The following GPR89A variants were observed in gnomAD, a reference collection of about 807,000 sequenced individuals.
GPR89A encodes the protein G protein-coupled receptor 89A.
A neutral mutation model predicts 52.0 loss-of-function variants in GPR89A; 16 were observed. That is an observed-to-expected ratio of 0.31 (90% CI 0.21 to 0.47). The LOEUF is 0.47. GPR89A is among the 20% of genes least tolerant of loss of function. GPR89A has a pLI of 1.00. For missense variants in GPR89A, 135 were observed against 449.4 expected (o/e 0.30, Z 6.33); for synonymous variants, 55 against 150.9 (o/e 0.36, Z 4.66).
intron 1 of GPR89A, among the ~76,000 whole-genome samples, chr1:145,609,242 G>A (rs587692901): frequency 6.6e-6 from 1 of 152,294 alleles, no homozygotes; most frequent in East Asian, 1.9e-4. Flanking sequence ...TGTGTTCTTT[G>A]ATTCCGTTTT....
chr1:145,642,774 A>G (rs1553691922), intron 7 of GPR89A, among the ~76,000 whole-genome samples: 1 of 151,082 alleles, frequency 6.6e-6, no homozygotes, highest in African/African-American at 2.4e-5. Flanking sequence ...ATCCTAGTTC[A>G]TTTTATGCCT....
At chr1:145,609,818 G>C (rs1246069427) in intron 1 of GPR89A, among the ~76,000 whole-genome samples, 2 of 152,146 alleles carry the variant, frequency 1.3e-5, no homozygotes, top group East Asian at 3.8e-4. Flanking sequence ...GTGGAAGAAA[G>C]ACCCAAAGAT....
intron 1 of GPR89A, among the ~76,000 whole-genome samples, chr1:145,613,577 C>G (rs1168792421): frequency 6.6e-6 from 1 of 151,788 alleles, no homozygotes; most frequent in African/African-American, 2.4e-5. Flanking sequence ...CTTCAAAGCT[C>G]TCAGTGATTG....
intron 10 of GPR89A, among the ~76,000 whole-genome samples, chr1:145,657,694 A>G (rs1395365225): frequency 1.6e-4 from 24 of 150,036 alleles, no homozygotes; most frequent in African/African-American, 3.9e-4. Context: ...CAGGTTATCT[A>G]TTTCTTCTTG....
chr1:145,624,594 G>C (rs1431719958), intron 5 of GPR89A, among the ~76,000 whole-genome samples: 2 of 150,922 alleles, frequency 1.3e-5, no homozygotes, highest in African/African-American at 2.5e-5. Flanking sequence ...AGAATCTACT[G>C]TAACTAATTT....
intron 7 of GPR89A, among the ~76,000 whole-genome samples, chr1:145,642,869 C>A (rs1407785561): frequency 2.6e-5 from 4 of 151,620 alleles, no homozygotes; most frequent in Non-Finnish European, 5.9e-5. Context: ...CTGTTGATAC[C>A]TTTGTGGTGA....
chr1:145,640,650 G>C (rs1650594065), intron 7 of GPR89A, among the ~76,000 whole-genome samples: 1 of 81,570 alleles, frequency 1.2e-5, no homozygotes, highest in African/African-American at 5.0e-5. Flanking sequence ...AGCCAAGATG[G>C]AGCCACTGTA....
intron 7 of GPR89A, among the ~76,000 whole-genome samples, chr1:145,637,199 A>G (rs1268495459): frequency 6.6e-6 from 1 of 151,158 alleles, no homozygotes; most frequent in Non-Finnish European, 1.5e-5. Flanking sequence ...TTTGGATGAC[A>G]GAAAGTGAAA....
intron 10 of GPR89A, among the ~76,000 whole-genome samples, chr1:145,658,938 T>C (rs1156258696): frequency 6.6e-6 from 1 of 151,564 alleles, no homozygotes; most frequent in Non-Finnish European, 1.5e-5. Flanking sequence ...CCACCACGCC[T>C]GGCTGATTTT....
intron 3 of GPR89A, among the ~76,000 whole-genome samples, chr1:145,619,084 T>C (rs1648920302): frequency 6.6e-6 from 1 of 152,160 alleles, no homozygotes; most frequent in African/African-American, 2.4e-5. Flanking sequence ...TTTGTTGTGC[T>C]TTTTTATCAC....
intron 10 of GPR89A, among the ~76,000 whole-genome samples, chr1:145,661,407 GTAAC>G (rs1366389711): frequency 2.6e-5 from 4 of 151,484 alleles, no homozygotes; most frequent in Admixed American, 2.6e-4. Flanking sequence ...GTATACATAT[GTAAC>G]TAACCTGCAC....
chr1:145,636,617 A>G (rs1316538602), intron 7 of GPR89A, among the ~76,000 whole-genome samples: 1 of 152,150 alleles, frequency 6.6e-6, no homozygotes, highest in African/African-American at 2.4e-5. Flanking sequence ...AGGAAGAAAT[A>G]TATTCACTAG....
intron 10 of GPR89A, among the ~76,000 whole-genome samples, chr1:145,649,026 G>A (rs868960664): frequency 6.7e-6 from 1 of 149,264 alleles, no homozygotes; most frequent in Non-Finnish European, 1.5e-5. Flanking sequence ...GGATGGTCTC[G>A]ATCTCCTGAC....
chr1:145,613,023 C>G (rs1553686434), intron 1 of GPR89A, among the ~76,000 whole-genome samples: 1 of 151,740 alleles, frequency 6.6e-6, no homozygotes, highest in Non-Finnish European at 1.5e-5. Flanking sequence ...AGATACTATT[C>G]CCAGGTGATC....
At chr1:145,646,071 G>A in intron 8 of GPR89A, 113 bp from the exon 9 acceptor site, 1 of 1,530,492 alleles carries the variant, frequency 6.5e-7, no homozygotes, top group Non-Finnish European at 9.0e-7. Flanking sequence ...AGGAAATTGA[G>A]AATATAGGCA....
chr1:145,668,359 T>G (rs1652721048), intron 12 of GPR89A, among the ~76,000 whole-genome samples: 1 of 152,212 alleles, frequency 6.6e-6, no homozygotes. Flanking sequence ...CACTCATGAT[T>G]TGGCTCTCTG....
chr1:145,663,557 A>G, intron 11 of GPR89A, 133 bp downstream of exon 11: 1 of 672,464 alleles, frequency 1.5e-6, no homozygotes, highest in Non-Finnish European at 2.5e-6. Context: ...GTATATTTTG[A>G]CGTATTCACA....
chr1:145,617,892 G>A (rs1559024330), intron 2 of GPR89A, among the ~76,000 whole-genome samples: 1 of 151,930 alleles, frequency 6.6e-6, no homozygotes, highest in African/African-American at 2.4e-5. Flanking sequence ...GTCTGAAAGA[G>A]CCTGGGATTC....
chr1:145,660,371 C>A (rs1652109728), intron 10 of GPR89A, among the ~76,000 whole-genome samples: 1 of 152,146 alleles, frequency 6.6e-6, no homozygotes, highest in Non-Finnish European at 1.5e-5. Context: ...CTAGGCGTTA[C>A]CATTCAGAAC....
Sources: gnomAD v4.1 joint callset for allele counts (sites outside exome capture counted in the v4.1 genomes callset) on GRCh38, gnomAD v4.1.1 for gene constraint, MANE v1.5 for transcripts, NCBI Gene and HGNC (gene_info 2026-07-23, HGNC 2026-07-21) for gene names.